Variants in PPP2R2B observed in about 807,000 individuals in gnomAD.
PPP2R2B encodes the protein protein phosphatase 2 regulatory subunit Bbeta.
Under a neutral mutation model 46.0 loss-of-function variants are expected in PPP2R2B, and 5 were observed. The observed-to-expected ratio is 0.11, with a 90% confidence interval of 0.06 to 0.23. The LOEUF (loss-of-function observed/expected upper bound fraction) is 0.23, where lower values mean the gene tolerates loss of function less well. Among genes scored for constraint, PPP2R2B ranks in the 10% least tolerant of loss-of-function variants. The pLI is 1.00. For synonymous variants in PPP2R2B, 215 were observed against 206.7 expected (o/e 1.04, Z -0.34); for missense variants, 367 against 575.0 (o/e 0.64, Z 3.70).
intron 2 of PPP2R2B, among the ~76,000 whole-genome samples, chr5:146,761,867 A>G (rs188394427): frequency 6.6e-6 from 1 of 152,274 alleles, no homozygotes; most frequent in East Asian, 1.9e-4. Flanking sequence ...TTGATGAGGG[A>G]TAAAAAAAGA....
At chr5:146,982,732 A>C (rs1159063562) in intron 1 of PPP2R2B, among the ~76,000 whole-genome samples, 1 of 152,168 alleles carries the variant, frequency 6.6e-6, no homozygotes, top group African/African-American at 2.4e-5. Flanking sequence ...GTACATATGC[A>C]CTTAGGATTG....
chr5:147,032,514 C>T (rs2151892404), intron 1 of PPP2R2B, among the ~76,000 whole-genome samples: 1 of 152,054 alleles, frequency 6.6e-6, no homozygotes, highest in South Asian at 2.1e-4. Flanking sequence ...CCCCCCTCTC[C>T]CTCTTTCCCC....
chr5:146,671,942 A>G (rs767818634), intron 5 of PPP2R2B, among the ~76,000 whole-genome samples: 5 of 152,180 alleles, frequency 3.3e-5, no homozygotes, highest in Non-Finnish European at 7.3e-5. Flanking sequence ...ACTAAGAATT[A>G]AGTTAAACGA....
chr5:146,632,595 C>T (rs928550183), intron 7 of PPP2R2B, among the ~76,000 whole-genome samples: 22 of 151,274 alleles, frequency 1.5e-4, no homozygotes, highest in African/African-American at 4.4e-4. Context: ...GTATTCCAGT[C>T]AGCAAGACAG....
intron 1 of PPP2R2B, among the ~76,000 whole-genome samples, chr5:146,904,672 T>C (rs1175934828): frequency 6.6e-6 from 1 of 152,142 alleles, no homozygotes; most frequent in Non-Finnish European, 1.5e-5. Context: ...AGCCTCAGTA[T>C]AGAATGAAAG....
At chr5:146,979,063 T>C (rs966249748) in intron 1 of PPP2R2B, among the ~76,000 whole-genome samples, 4 of 152,202 alleles carry the variant, frequency 2.6e-5, no homozygotes, top group Non-Finnish European at 5.9e-5. Flanking sequence ...CGTTTCTCTC[T>C]TTTCCCATTT....
At position 146,862,843 on chromosome 5, in the gene PPP2R2B, G is replaced by C. The variant is rs1761086421; in HGVS notation, c.70+15159C>G. On this transcript the variant is annotated intron_variant, in intron 2 of 9. Coordinates refer to ENST00000394411, the MANE Select transcript of PPP2R2B (RefSeq NM_181675.4). ...CATATGAGTGACTCAAAGGCAACCT[G>C]CTTGTCAAGTAATTGGAAAAAAAAA... Among the ~76,000 whole-genome samples the C allele has an allele frequency of 2.1e-5, 3 of 139,618 alleles. No homozygotes were observed. In the Admixed American group the frequency reaches 2.2e-4, roughly 10 times the overall value. The allele number at this position is 139,618 out of a possible 152,430, so 91.6% of individuals were successfully genotyped here. A position where few individuals can be genotyped will look rare whatever the true frequency, so the allele number is the denominator to read the frequency against.
chr5:146,731,469 A>G, intron 2 of PPP2R2B, among the ~76,000 whole-genome samples: 1 of 152,240 alleles, frequency 6.6e-6, no homozygotes, highest in East Asian at 1.9e-4. Context: ...GGCAGAGAGA[A>G]GGCCAACTTG....
intron 1 of PPP2R2B, among the ~76,000 whole-genome samples, chr5:146,986,662 G>A (rs1037798898): frequency 1.1e-4 from 17 of 152,146 alleles, no homozygotes; most frequent in African/African-American, 3.9e-4. Flanking sequence ...TGATTAAGCA[G>A]AAGAAATAAT....
rs530116776 is a variant in PPP2R2B at position 146,727,063 on chromosome 5, G to T, written c.71-25921C>A. 2.0e-5 allele frequency among the ~76,000 whole-genome samples: 3 copies of T among 152,062 alleles called. 1 individual carries two copies. The East Asian group carries it at 5.8e-4, about 29-fold the overall frequency. ...AGTGTTTTGACACACTCTACAAAGG[G>T]GTTCTTTTGGAACTTCATTTTCTAA... On this transcript the variant is annotated intron_variant, in intron 2 of 9. Coordinates refer to ENST00000394411, the MANE Select transcript of PPP2R2B (RefSeq NM_181675.4).
intron 1 of PPP2R2B, among the ~76,000 whole-genome samples, chr5:147,014,740 A>C (rs1201214698): frequency 3.2e-5 from 2 of 62,688 alleles, no homozygotes; most frequent in African/African-American, 1.3e-4. Context: ...GTTGTGGGGT[A>C]GGGGGAGGGG....
chr5:147,002,558 T>C (rs1276885707), intron 1 of PPP2R2B, among the ~76,000 whole-genome samples: 1 of 149,452 alleles, frequency 6.7e-6, no homozygotes, highest in African/African-American at 2.6e-5. Context: ...AAATCCGATT[T>C]TTCTCGGTCT....
intron 1 of PPP2R2B, among the ~76,000 whole-genome samples, chr5:147,038,004 C>T (rs975216255): frequency 5.3e-5 from 8 of 152,028 alleles, no homozygotes; most frequent in South Asian, 2.1e-4. Context: ...TTCCTGTTGG[C>T]GAATCATTGC....
At chr5:146,832,959 C>T (rs79163311) in intron 2 of PPP2R2B, among the ~76,000 whole-genome samples, 1,827 of 152,016 alleles carry the variant, frequency 0.012, 44 homozygotes, top group African/African-American at 0.042. Flanking sequence ...CATTAACTGA[C>T]GCATGACTGT....
At chr5:146,938,847 C>T (rs995742634) in intron 1 of PPP2R2B, among the ~76,000 whole-genome samples, 3 of 128,090 alleles carry the variant, frequency 2.3e-5, no homozygotes, top group African/African-American at 8.8e-5. Flanking sequence ...GTGGTGTGAT[C>T]TCAGCTCACT....
chr5:147,043,751 A>T (rs1756420393), intron 1 of PPP2R2B, among the ~76,000 whole-genome samples: 1 of 152,176 alleles, frequency 6.6e-6, no homozygotes, highest in South Asian at 2.1e-4. Flanking sequence ...CTTTATGACC[A>T]TCACCTTACA....
chr5:146,600,003 CTT>C (rs1407758271), intron 8 of PPP2R2B, among the ~76,000 whole-genome samples: 1 of 152,216 alleles, frequency 6.6e-6, no homozygotes, highest in African/African-American at 2.4e-5. Context: ...CATCATCTGA[CTT>C]TTCCACCAGA....
intron 2 of PPP2R2B, among the ~76,000 whole-genome samples, chr5:146,874,820 A>G (rs1189138249): frequency 6.6e-6 from 1 of 151,598 alleles, no homozygotes; most frequent in East Asian, 1.9e-4. Context: ...GGGGTTCCAT[A>G]TCTGAAAAAA....
At chr5:146,653,849 G>T (rs1348896682) in intron 5 of PPP2R2B, among the ~76,000 whole-genome samples, 1 of 152,106 alleles carries the variant, frequency 6.6e-6, no homozygotes, top group Non-Finnish European at 1.5e-5. Context: ...TAAGACAGGG[G>T]GGATGGAGAG....
Sources: gnomAD v4.1 joint callset for allele counts (sites outside exome capture counted in the v4.1 genomes callset) on GRCh38, gnomAD v4.1.1 for gene constraint, MANE v1.5 for transcripts, NCBI Gene and HGNC (gene_info 2026-07-23, HGNC 2026-07-21) for gene names.